The following ERICH6 variants were observed in gnomAD, a reference collection of about 807,000 sequenced individuals.
ERICH6 encodes the protein glutamate-rich protein 6.
In ERICH6, 71 loss-of-function variants were observed where a neutral mutation model predicts 71.0. The ratio of observed to expected loss-of-function variants is 1.00; its 90% CI spans 0.83 to 1.22. ERICH6 has a LOEUF of 1.22. ERICH6 is among the 50% of genes most tolerant of loss of function. The pLI is 0.00. For missense variants in ERICH6, 808 were observed against 797.2 expected (o/e 1.01, Z -0.16); for synonymous variants, 262 against 278.4 (o/e 0.94, Z 0.59).
At chr3:150,686,939 G>A (rs1712217441) in intron 3 of ERICH6, among the ~76,000 whole-genome samples, 1 of 152,222 alleles carries the variant, frequency 6.6e-6, no homozygotes, top group African/African-American at 2.4e-5. Flanking sequence ...GGGAGGCCAA[G>A]GCGGGTGGAT....
chr3:150,681,691 C>T (rs1244603220), intron 7 of ERICH6, among the ~76,000 whole-genome samples: 1 of 151,944 alleles, frequency 6.6e-6, no homozygotes, highest in Non-Finnish European at 1.5e-5. Flanking sequence ...AATTTCTCTA[C>T]ATCTTTATCA....
chr3:150,675,413 A>T (rs1312086355), intron 10 of ERICH6, among the ~76,000 whole-genome samples: 1 of 151,946 alleles, frequency 6.6e-6, no homozygotes, highest in Non-Finnish European at 1.5e-5. Context: ...CAGTGGTAAG[A>T]TCTCAGCTCA....
intron 10 of ERICH6, 88 bp downstream of exon 10, chr3:150,678,321 T>G: frequency 1.5e-6 from 2 of 1,326,668 alleles, no homozygotes; most frequent in Middle Eastern, 1.9e-4. Context: ...AAATGCATCA[T>G]GTAGCCAAGC....
intron 2 of ERICH6, among the ~76,000 whole-genome samples, chr3:150,699,266 G>C (rs1381113688): frequency 6.6e-6 from 1 of 152,198 alleles, no homozygotes; most frequent in Non-Finnish European, 1.5e-5. Flanking sequence ...AGCCGTGATT[G>C]TGCCACTGCA....
At chr3:150,694,742 A>T (rs1378362625) in intron 3 of ERICH6, among the ~76,000 whole-genome samples, 1 of 152,204 alleles carries the variant, frequency 6.6e-6, no homozygotes, top group East Asian at 1.9e-4. Context: ...ATTGATTGAA[A>T]CCTGTCTCAG....
At chr3:150,672,264 C>CATATAATATATATATATAT (rs1711509000) in intron 11 of ERICH6, among the ~76,000 whole-genome samples, 4 of 123,620 alleles carry the variant, frequency 3.2e-5, no homozygotes, top group African/African-American at 1.3e-4. Context: ...TTTATATATA[C>CATATAATATATATATATAT]ATATATATAT....
chr3:150,667,799 T>C (rs971030685), intron 12 of ERICH6, among the ~76,000 whole-genome samples: 1 of 152,206 alleles, frequency 6.6e-6, no homozygotes, highest in Non-Finnish European at 1.5e-5. Context: ...CTTAATTTGA[T>C]AATAAATTAT....
chr3:150,701,377 A>AAAT (rs144457619), intron 2 of ERICH6, among the ~76,000 whole-genome samples: 56,958 of 151,882 alleles, frequency 0.38, 11,045 homozygotes, highest in East Asian at 0.59. Flanking sequence ...ATGTCATTTT[A>AAAT]AATAATGGAA....
At position 150,698,834 on chromosome 3, in the gene ERICH6, T is replaced by C. The variant is rs139065846; in HGVS notation, c.510A>G (p.Thr170=). 40 of 1,613,972 alleles carry C rather than the reference T, an allele frequency of 2.5e-5. No homozygotes were observed. The highest frequency in any genetic ancestry group is 3.3e-5 in the Non-Finnish European group (39 of 1,180,014). The part of the protein sequence containing the change: ...LSPGIPVSVQ[T]EESWLQDLSD... ...ACAAATCTTGGAGCCAACTTTCTTCTGTTTGTACTGATACTGGAATTCCTG... is the reference window on the plus strand; with the variant it reads ...ACAAATCTTGGAGCCAACTTTCTTCCGTTTGTACTGATACTGGAATTCCTG... The change falls in exon 3 of 14, where the codon ACA becomes ACG. Residue 170 remains threonine, a synonymous_variant. Coordinates refer to ENST00000295910, the MANE Select transcript of ERICH6 (RefSeq NM_152394.5).
chr3:150,678,177 GT>G (rs1559913860), intron 10 of ERICH6, among the ~76,000 whole-genome samples: 1 of 152,110 alleles, frequency 6.6e-6, no homozygotes, highest in African/African-American at 2.4e-5. Flanking sequence ...TTTTCTAAGG[GT>G]TCCAAATGTT....
intron 10 of ERICH6, among the ~76,000 whole-genome samples, chr3:150,677,099 A>C (rs6803598): frequency 6.6e-6 from 1 of 152,168 alleles, no homozygotes; most frequent in Non-Finnish European, 1.5e-5. Context: ...GGCGTGAGCC[A>C]ACACACCCAG....
At chr3:150,681,600 G>T (rs2108059809) in intron 7 of ERICH6, among the ~76,000 whole-genome samples, 1 of 152,178 alleles carries the variant, frequency 6.6e-6, no homozygotes, top group East Asian at 1.9e-4. Flanking sequence ...ACTGTATGTT[G>T]AACCTTTCAA....
In ERICH6 at chr3:150,701,760, G is replaced by A. The variant is rs79415448; in HGVS notation, c.461+361C>T. ...AAAAGAAGAGAGAGAGAGGAAAAAG[G>A]AAAAGCTATTATTTCCACTCTCTTC... is the stretch of plus-strand genomic sequence containing the variant. On this transcript the variant is annotated intron_variant, in intron 2 of 13. Coordinates refer to ENST00000295910, the MANE Select transcript of ERICH6 (RefSeq NM_152394.5). Among the ~76,000 whole-genome samples, 642 of 152,280 alleles carry A rather than the reference G, an allele frequency of 4.2e-3. 4 individuals carry two copies. Among genetic ancestry groups the A allele is most frequent in the Non-Finnish European group, 7.2e-3 (491 of 68,010 alleles).
intron 13 of ERICH6, among the ~76,000 whole-genome samples, chr3:150,661,854 C>T (rs1040868368): frequency 1.3e-5 from 2 of 152,004 alleles, no homozygotes; most frequent in Non-Finnish European, 2.9e-5. Flanking sequence ...ACACTCCAGC[C>T]TGGGTGACAG....
chr3:150,700,241 ATTTTTTTTTTT>A (rs34624356), intron 2 of ERICH6, among the ~76,000 whole-genome samples: 1 of 110,970 alleles, frequency 9.0e-6, no homozygotes, highest in Non-Finnish European at 1.7e-5. Context: ...TGCCCGGCTA[ATTTTTTTTTTT>A]TTTTTTTTTT....
At chr3:150,666,166 A>G (rs1404691624) in intron 13 of ERICH6, among the ~76,000 whole-genome samples, 1 of 152,230 alleles carries the variant, frequency 6.6e-6, no homozygotes, top group Non-Finnish European at 1.5e-5. Context: ...ACCATCGTGC[A>G]TTATTGCCGG....
intron 13 of ERICH6, among the ~76,000 whole-genome samples, chr3:150,666,303 C>T (rs1000438168): frequency 4.6e-5 from 7 of 152,198 alleles, no homozygotes; most frequent in East Asian, 3.9e-4. Context: ...TCAACAAGCA[C>T]GGGGATGGTG....
At chr3:150,677,116 A>C (rs1711691882) in intron 10 of ERICH6, among the ~76,000 whole-genome samples, 1 of 151,942 alleles carries the variant, frequency 6.6e-6, no homozygotes, top group African/African-American at 2.4e-5. Context: ...CCAGCCAAAA[A>C]CATTTTTTTA....
chr3:150,678,463 T>C lies in ERICH6; in HGVS notation c.1203A>G (p.Leu401=), dbSNP rs1303898513. 1 of 1,605,034 alleles carries C rather than the reference T, an allele frequency of 6.2e-7. No individual in the cohort carries two copies. The highest frequency in any genetic ancestry group is 1.3e-5 in the African/African-American group (1 of 74,464). ...IIDDIVFDFQ[L]RNSNMSIICC... ...AAATGATAGACATGTTACTGTTTCT[T>C]AGTTGAAAATCAAATACAATGTCAT... Residue 401 remains leucine, a synonymous_variant, in exon 10 of 14, where the codon CTA becomes CTG. Transcript: ENST00000295910.
Sources: allele counts gnomAD v4.1 joint callset (sites outside exome capture counted in the v4.1 genomes callset), GRCh38; gene constraint gnomAD v4.1.1; transcripts MANE v1.5; gene names NCBI Gene and HGNC (gene_info 2026-07-23, HGNC 2026-07-21).